Variants in ROBO2 observed in about 807,000 individuals in gnomAD.
ROBO2 encodes roundabout guidance receptor 2, also known as roundabout homolog 2.
A neutral mutation model predicts 160.8 loss-of-function variants in ROBO2; 53 were observed. The ratio of observed to expected loss-of-function variants is 0.33; its 90% CI spans 0.26 to 0.41. The LOEUF (loss-of-function observed/expected upper bound fraction) is 0.41, where lower values mean the gene tolerates loss of function less well. Ranked by LOEUF, ROBO2 falls within the 10% of genes least tolerant of loss-of-function variation. ROBO2 has a pLI of 1.00. For missense variants in ROBO2, 1,577 were observed against 1,722.4 expected, an observed-to-expected ratio of 0.92 and a Z score of 1.49; for synonymous variants, 664 against 611.7, an observed-to-expected ratio of 1.09 and a Z score of -1.26.
chr3:76,938,362 C>T (rs889355883), intron 2 of ROBO2, among the ~76,000 whole-genome samples: 1 of 149,652 alleles, frequency 6.7e-6, no homozygotes. Flanking sequence ...CCCACCTACC[C>T]CCCCCAAAAA....
chr3:77,095,309 G>A (rs1230201640), intron 1 of ROBO2, among the ~76,000 whole-genome samples: 1 of 151,954 alleles, frequency 6.6e-6, no homozygotes, highest in Non-Finnish European at 1.5e-5. Context: ...TGTGCTCATT[G>A]GACATACTGG....
At chr3:75,917,053 G>T (rs1437657011) in intron 1 of ROBO2, among the ~76,000 whole-genome samples, 1 of 151,922 alleles carries the variant, frequency 6.6e-6, no homozygotes, top group Non-Finnish European at 1.5e-5. Context: ...TAAGTTCTGG[G>T]ATACATGTGC....
Position 77,509,124 on chromosome 3 carries a change from T to C in ROBO2, c.807-13651T>C, listed in dbSNP as rs908787877. On this transcript the variant is annotated intron_variant, in intron 5 of 25. Coordinates refer to ENST00000461745, the Ensembl canonical transcript of ROBO2. ...ATTTTAGAAAAGTGACAAGACAAAGTAGTCGTAGGCTTCAAAGACAGGAGA... is the reference window on the plus strand; with the variant it reads ...ATTTTAGAAAAGTGACAAGACAAAGCAGTCGTAGGCTTCAAAGACAGGAGA... Among the ~76,000 whole-genome samples, 29 of 152,076 alleles carry C rather than the reference T, an allele frequency of 1.9e-4. 1 individual carries two copies. Among genetic ancestry groups the C allele is most frequent in the Non-Finnish European group, 2.9e-5 (2 of 68,002 alleles).
chr3:76,270,307 C>CT (rs982542958), intron 2 of ROBO2, among the ~76,000 whole-genome samples: 17 of 151,918 alleles, frequency 1.1e-4, no homozygotes, highest in Middle Eastern at 3.4e-3. Context: ...CTCTTCATTT[C>CT]TTTTTTTTAT....
chr3:77,330,014 T>G (rs1170115066), intron 2 of ROBO2, among the ~76,000 whole-genome samples: 1 of 152,162 alleles, frequency 6.6e-6, no homozygotes, highest in Admixed American at 6.6e-5. Context: ...CAAACTAAGT[T>G]AGTAATATTT....
rs190686734 is a variant in ROBO2, at chr3:75,971,759, A to T, written c.109+34157A>T. Among the ~76,000 whole-genome samples, 33 of 151,570 alleles carry T rather than the reference A, an allele frequency of 2.2e-4. 1 individual carries two copies. The South Asian group carries it at 5.8e-3, about 27-fold the overall frequency. ...CAGCATGTATACACCAATATATATA[A>T]AATTTTTCTTGTAACATTTTAGAGA... On this transcript the variant is annotated intron_variant, in intron 2 of 26. Coordinates refer to the ROBO2 transcript ENST00000487694.
intron 24 of ROBO2, among the ~76,000 whole-genome samples, chr3:77,640,097 ATTTTTTTTTTTTTTTTT>A (rs71104695): frequency 1.5e-5 from 1 of 65,486 alleles, no homozygotes; most frequent in East Asian, 5.1e-4. Flanking sequence ...CAGAGGAAGC[ATTTTTTTTTTTTTTTTT>A]TTTTTTTTTT....
At chr3:77,584,987 A>G (rs931943161) in intron 16 of ROBO2, among the ~76,000 whole-genome samples, 14 of 149,446 alleles carry the variant, frequency 9.4e-5, no homozygotes, top group African/African-American at 3.2e-4. Flanking sequence ...TATATATACT[A>G]TATACTGGCA....
intron 2 of ROBO2, among the ~76,000 whole-genome samples, chr3:77,420,976 C>G (rs2077660892): frequency 6.6e-6 from 1 of 152,128 alleles, no homozygotes; most frequent in Non-Finnish European, 1.5e-5. Context: ...CCAACTCACC[C>G]CTTCTTCCAG....
chr3:76,311,434 T>G (rs1051825576), intron 2 of ROBO2: 35 of 152,142 alleles, frequency 2.3e-4, no homozygotes, highest in African/African-American at 8.2e-4. Context: ...GATGAAAGTT[T>G]CGTGTTAAAG....
chr3:76,897,267 AG>A (rs1198471532), intron 2 of ROBO2, among the ~76,000 whole-genome samples: 1 of 128,292 alleles, frequency 7.8e-6, no homozygotes, highest in East Asian at 2.1e-4. Flanking sequence ...ATCAGGAAAC[AG>A]CTGCTTTCAC....
intron 2 of ROBO2, among the ~76,000 whole-genome samples, chr3:76,606,544 T>A (rs1228520607): frequency 6.6e-6 from 1 of 152,176 alleles, no homozygotes; most frequent in East Asian, 1.9e-4. Flanking sequence ...ACAGGAGAGA[T>A]GTGTCTCAAA....
At chr3:77,118,721 A>T (rs2074441587) in intron 2 of ROBO2, among the ~76,000 whole-genome samples, 1 of 152,218 alleles carries the variant, frequency 6.6e-6, no homozygotes, top group South Asian at 2.1e-4. Context: ...AGTTATATAC[A>T]GTCACGCATT....
intron 2 of ROBO2, among the ~76,000 whole-genome samples, chr3:76,570,189 A>C (rs1228279361): frequency 6.6e-6 from 1 of 152,180 alleles, no homozygotes; most frequent in Non-Finnish European, 1.5e-5. Flanking sequence ...ACTGTTGGTC[A>C]ACTACTGATA....
At position 76,076,886 on chromosome 3, in the gene ROBO2, A is replaced by G. The variant is rs541607827; in HGVS notation, c.109+139284A>G. On this transcript the variant is annotated intron_variant, in intron 2 of 26. Coordinates refer to the ROBO2 transcript ENST00000487694. ...GTGACTTTAACTGTTGTACTGTCGA[A>G]CTAGCCCTGGTAAATTATAACTGTT... 5.4e-4 allele frequency among the ~76,000 whole-genome samples: 83 copies of G among 152,328 alleles called. 1 individual carries two copies. The highest frequency in any genetic ancestry group is 1.9e-3 in the African/African-American group (78 of 41,582).
intron 2 of ROBO2, among the ~76,000 whole-genome samples, chr3:76,276,596 T>C (rs1368465502): frequency 3.9e-5 from 6 of 152,202 alleles, no homozygotes; most frequent in Middle Eastern, 3.4e-3. Flanking sequence ...TTATAAATTG[T>C]TCATATCATT....
intron 1 of ROBO2, among the ~76,000 whole-genome samples, chr3:75,911,782 TC>T (rs1946602626): frequency 6.6e-6 from 1 of 151,874 alleles, no homozygotes; most frequent in Non-Finnish European, 1.5e-5. Flanking sequence ...GGTCTCGATC[TC>T]CTGACCTCGT....
chr3:76,246,335 C>A (rs755393504), intron 2 of ROBO2, among the ~76,000 whole-genome samples: 1 of 152,024 alleles, frequency 6.6e-6, no homozygotes, highest in African/African-American at 2.4e-5. Context: ...TCAATTGTAT[C>A]ATTTCTTGTA....
chr3:76,467,186 A>G (rs1011905713), intron 2 of ROBO2, among the ~76,000 whole-genome samples: 1 of 152,148 alleles, frequency 6.6e-6, no homozygotes, highest in African/African-American at 2.4e-5. Flanking sequence ...ATTGGATGGC[A>G]GATAAAAATG....
Sources: gnomAD v4.1 joint callset for allele counts (sites outside exome capture counted in the v4.1 genomes callset) on GRCh38, gnomAD v4.1.1 for gene constraint, MANE v1.5 for transcripts, NCBI Gene and HGNC (gene_info 2026-07-23, HGNC 2026-07-21) for gene names.